Variants in GDAP1 observed in about 807,000 individuals in gnomAD.
GDAP1 encodes ganglioside induced differentiation associated protein 1, also known as ganglioside-induced differentiation-associated protein 1.
In GDAP1, 34 loss-of-function variants were observed where a neutral mutation model predicts 40.1. That is an observed-to-expected ratio of 0.85 (90% CI 0.64 to 1.13). GDAP1 has a LOEUF of 1.13. Ranked by LOEUF, GDAP1 falls within the 50% of genes most tolerant of loss-of-function variation. The pLI, the probability that GDAP1 is intolerant of heterozygous loss-of-function variation, is 0.00. For synonymous variants in GDAP1, 170 were observed against 157.4 expected, an observed-to-expected ratio of 1.08 and a Z score of -0.60; for missense variants, 374 against 433.7, an observed-to-expected ratio of 0.86 and a Z score of 1.22.
chr8:74,417,384 T>A (rs1805796589), intron 2 of GDAP1, among the ~76,000 whole-genome samples: 1 of 149,834 alleles, frequency 6.7e-6, no homozygotes, highest in Non-Finnish European at 1.5e-5. Context: ...TCCCAACTAG[T>A]GTAATATGGC....
At chr8:74,360,602 CAT>C (rs1215836158) in intron 3 of GDAP1, among the ~76,000 whole-genome samples, 2 of 152,212 alleles carry the variant, frequency 1.3e-5, no homozygotes, top group African/African-American at 4.8e-5. Context: ...AAGAATATAA[CAT>C]GTTCTCATGA....
chr8:74,373,308 CTT>C (rs912205744), intron 2 of GDAP1, among the ~76,000 whole-genome samples: 3 of 152,150 alleles, frequency 2.0e-5, no homozygotes, highest in Non-Finnish European at 4.4e-5. Flanking sequence ...TCATTGGTAA[CTT>C]GATGGGGATG....
intron 2 of GDAP1, among the ~76,000 whole-genome samples, chr8:74,471,724 G>T (rs969996986): frequency 1.3e-5 from 2 of 151,812 alleles, no homozygotes; most frequent in East Asian, 1.9e-4. Context: ...TGTCACTGTC[G>T]GTCAGTTTAC....
Position 74,351,310 on chromosome 8 carries a change from G to T in GDAP1, c.154G>T (p.Glu52Ter). ...LVIAEKALKC[E>*]EHDVSLPLSE... is the part of the protein sequence containing the mutation. ...AATTGCTGAAAAGGCATTGAAGTGC[G>T]AGGAACATGATGTAAGTCTGCCCTT... The change falls in exon 2 of 6, where the codon GAG becomes TAG. Residue 52 changes from glutamate (E) to a stop codon, truncating the protein, a stop_gained. Transcript: ENST00000220822. LOFTEE classifies it high-confidence loss of function. 1 of 1,614,182 alleles carries T rather than the reference G, an allele frequency of 6.2e-7. No homozygotes were observed. The highest frequency in any genetic ancestry group is 8.5e-7 in the Non-Finnish European group (1 of 1,179,988).
intron 2 of GDAP1, among the ~76,000 whole-genome samples, chr8:74,417,964 G>A (rs1805805898): frequency 6.6e-6 from 1 of 151,958 alleles, no homozygotes; most frequent in African/African-American, 2.4e-5. Context: ...AAATACATAG[G>A]CATAAATCTA....
At chr8:74,375,210 C>T (rs930364913) in intron 2 of GDAP1, among the ~76,000 whole-genome samples, 4 of 151,944 alleles carry the variant, frequency 2.6e-5, no homozygotes, top group Admixed American at 6.6e-5. Flanking sequence ...ACCTGTAATC[C>T]GAGCTACTTG....
chr8:74,460,965 A>G (rs1806393604), intron 2 of GDAP1, among the ~76,000 whole-genome samples: 1 of 151,938 alleles, frequency 6.6e-6, no homozygotes, highest in Non-Finnish European at 1.5e-5. Flanking sequence ...TACATTCCTG[A>G]AGGCTTTGTC....
At chr8:74,398,580 A>C (rs1199012804) in intron 2 of GDAP1, among the ~76,000 whole-genome samples, 2 of 152,174 alleles carry the variant, frequency 1.3e-5, no homozygotes, top group South Asian at 4.1e-4. Flanking sequence ...AACTTCCAAC[A>C]CTATGTTGAA....
intron 2 of GDAP1, among the ~76,000 whole-genome samples, chr8:74,354,202 C>G (rs1490908382): frequency 1.3e-5 from 2 of 152,110 alleles, no homozygotes; most frequent in Non-Finnish European, 2.9e-5. Context: ...TGTTTTTATA[C>G]TTTATTTTAA....
At chr8:74,377,766 T>G (rs1254085466) in intron 2 of GDAP1, among the ~76,000 whole-genome samples, 1 of 152,236 alleles carries the variant, frequency 6.6e-6, no homozygotes, top group African/African-American at 2.4e-5. Flanking sequence ...AATCCCACTC[T>G]TAGGTATTTA....
intron 2 of GDAP1, among the ~76,000 whole-genome samples, chr8:74,432,475 A>G (rs1439672378): frequency 2.0e-5 from 3 of 152,066 alleles, no homozygotes; most frequent in Non-Finnish European, 1.5e-5. Context: ...ATAAAACCCA[A>G]CTTCCTCAGT....
In GDAP1 at chr8:74,446,299, T is replaced by A. The variant is rs1012319458; in HGVS notation, c.166-42379T>A. Among the ~76,000 whole-genome samples the A allele has an allele frequency of 2.0e-5, 3 of 152,134 alleles. No individual in the cohort carries two copies. In the South Asian group the frequency reaches 6.2e-4, roughly 32 times the overall value. On this transcript the variant is annotated intron_variant, in intron 2 of 2. Transcript: ENST00000523640. The stretch of plus-strand genomic sequence containing the variant: ...GGCGGTGGGACTAGTGGAGACATAA[T>A]AAAGCAACAGAAAAAATCCTTTTCT...
intron 2 of GDAP1, among the ~76,000 whole-genome samples, chr8:74,385,795 C>T (rs938870558): frequency 1.2e-4 from 18 of 152,294 alleles, no homozygotes; most frequent in African/African-American, 3.6e-4. Context: ...CTAATTTAAA[C>T]TCCCACCAAC....
intron 2 of GDAP1, among the ~76,000 whole-genome samples, chr8:74,432,986 C>A (rs1277607934): frequency 6.6e-6 from 1 of 152,158 alleles, no homozygotes; most frequent in East Asian, 1.9e-4. Flanking sequence ...TTATGATTGT[C>A]CCCTAGTCCA....
intron 2 of GDAP1, among the ~76,000 whole-genome samples, chr8:74,461,771 C>T (rs1806404874): frequency 6.6e-6 from 1 of 152,112 alleles, no homozygotes; most frequent in Non-Finnish European, 1.5e-5. Context: ...ATGAATTTTT[C>T]CTGTTTGACC....
At chr8:74,478,156 G>T (rs73686901) in intron 2 of GDAP1, among the ~76,000 whole-genome samples, 3,929 of 152,078 alleles carry the variant, frequency 0.026, 152 homozygotes, top group African/African-American at 0.089. Flanking sequence ...GGGCTGGTAG[G>T]TTCCCTGCCT....
chr8:74,381,643 C>G (rs1809955092), intron 2 of GDAP1, among the ~76,000 whole-genome samples: 2 of 152,008 alleles, frequency 1.3e-5, no homozygotes, highest in African/African-American at 4.8e-5. Flanking sequence ...GTAATCCCAG[C>G]TACTCGGGAG....
At chr8:74,477,111 G>A (rs1051539502) in intron 2 of GDAP1, among the ~76,000 whole-genome samples, 2 of 152,134 alleles carry the variant, frequency 1.3e-5, no homozygotes, top group Non-Finnish European at 2.9e-5. Context: ...TGAAGTTCTT[G>A]AAGTGTGTTT....
intron 2 of GDAP1, among the ~76,000 whole-genome samples, chr8:74,464,458 A>G (rs773718301): frequency 9.9e-5 from 15 of 152,220 alleles, no homozygotes; most frequent in Non-Finnish European, 2.1e-4. Flanking sequence ...ACAATGTGCA[A>G]CCCTAAGGGA....
Sources: gnomAD v4.1 joint callset for allele counts (sites outside exome capture counted in the v4.1 genomes callset) on GRCh38, gnomAD v4.1.1 for gene constraint, MANE v1.5 for transcripts, NCBI Gene and HGNC (gene_info 2026-07-23, HGNC 2026-07-21) for gene names.